TNFAIP3: variants seen among roughly 807,000 people sequenced by gnomAD.
The protein encoded by TNFAIP3 is tumor necrosis factor alpha-induced protein 3.
In TNFAIP3, 9 loss-of-function variants were observed where a neutral mutation model predicts 72.4. That is an observed-to-expected ratio of 0.12 (90% CI 0.07 to 0.22). TNFAIP3 has a LOEUF of 0.22. Among genes scored for constraint, TNFAIP3 ranks in the 10% least tolerant of loss-of-function variants. TNFAIP3 has a pLI of 1.00. For missense variants in TNFAIP3, 833 were observed against 1,018.7 expected (o/e 0.82, Z 2.48); for synonymous variants, 339 against 372.6 (o/e 0.91, Z 1.04).
At chr6:137,878,009 A>C (rs1776308829) in intron 6 of TNFAIP3, among the ~76,000 whole-genome samples, 1 of 152,330 alleles carries the variant, frequency 6.6e-6, no homozygotes, top group African/African-American at 2.4e-5. Context: ...ACCCAACCTG[A>C]GGTTCCAAAG....
intron 7 of TNFAIP3, 131 bp downstream of exon 7, chr6:137,879,482 G>C: frequency 9.0e-7 from 1 of 1,110,362 alleles, no homozygotes; most frequent in South Asian, 1.6e-5. Flanking sequence ...TTTTCTACCA[G>C]CTTGTGCAGG....
rs759454764 is a variant in TNFAIP3 at position 137,879,243 on chromosome 6, G to T, written c.1798G>T (p.Asp600Tyr). 1.9e-6 allele frequency: 3 copies of T among 1,614,092 alleles called. No individual in the cohort carries two copies. Among genetic ancestry groups the T allele is most frequent in the East Asian group, 2.2e-5 (1 of 44,898 alleles). Residue 600 changes from aspartate to tyrosine, a missense_variant, in exon 7 of 9, where the codon GAC becomes TAC. By Grantham distance (160) the Asp-to-Tyr change is radical. This residue lies in a region of TNFAIP3 where 587 missense variants were observed against 657.8 expected (regional missense o/e 0.89). Transcript: ENST00000612899. ...CLSQAARTPG[D>Y]RTGTSKCRKA... is the part of the protein sequence containing the mutation. ...GTCTCAAGCTGCACGGACTCCTGGG[G>T]ACAGGACGGGGACGAGCAAGTGCAG... is the stretch of plus-strand genomic sequence containing the variant.
chr6:137,878,530 A>C lies in TNFAIP3; in HGVS notation c.1085A>C (p.Gln362Pro), dbSNP rs967260183. 1.9e-6 allele frequency: 3 copies of C among 1,614,266 alleles called. No individual in the cohort carries two copies. Among genetic ancestry groups the C allele is most frequent in the Non-Finnish European group, 2.5e-6 (3 of 1,180,044 alleles). ...AAGAAATGGCAGGAAAACAGCGAGC[A>C]GGGGAGGAGAGAGGGGCACGCCCAG... ...EYKKWQENSE[Q>P]GRREGHAQNP... The change falls in exon 7 of 9, where the codon CAG (glutamine) becomes CCG (proline). Residue 362 changes from glutamine (Q) to proline (P), a missense_variant. By Grantham distance (76) the Gln-to-Pro change is moderately conservative. Transcript: ENST00000612899.
At chr6:137,875,654 C>G (rs537289140) in intron 3 of TNFAIP3, 34 bp from the exon 4 acceptor site, 1 of 1,612,552 alleles carries the variant, frequency 6.2e-7, no homozygotes, top group Non-Finnish European at 8.5e-7. Context: ...GTACAGGATA[C>G]ATTCAAGCTT....
intron 5 of TNFAIP3, 41 bp downstream of exon 5, chr6:137,876,207 GA>G: frequency 6.5e-7 from 1 of 1,531,994 alleles, no homozygotes; most frequent in Non-Finnish European, 8.9e-7. Context: ...ACTAGACACT[GA>G]AACATCAGGG....
In TNFAIP3 at chr6:137,878,751, G is replaced by C. The variant is rs766691413; in HGVS notation, c.1306G>C (p.Gly436Arg). The C allele has an allele frequency of 2.5e-6, 4 of 1,614,044 alleles. No homozygotes were observed. Among genetic ancestry groups the C allele is most frequent in the South Asian group, 2.2e-5 (2 of 91,074 alleles). ...TGAGGGGCTCCCTGGCATGGCGCTC[G>C]GGGCCTCTCGGGGAGAAGCCTATGA... Reference protein sequence around the residue: ...GPEGLPGMALGASRGEAYEPL... With the variant: ...GPEGLPGMALRASRGEAYEPL... The change falls in exon 7 of 9, where the codon GGG becomes CGG. Residue 436 changes from glycine (G) to arginine (R), a missense_variant. Around this residue, in one of 2 missense-constraint regions of TNFAIP3, gnomAD observed 587 missense variants for 657.8 expected, o/e 0.89. Coordinates refer to ENST00000612899, the MANE Select transcript of TNFAIP3 (RefSeq NM_001270508.2).
chr6:137,879,390 G>T, intron 7 of TNFAIP3, 39 bp downstream of exon 7: 1 of 1,572,066 alleles, frequency 6.4e-7, no homozygotes, highest in Non-Finnish European at 8.6e-7. Context: ...AGCGGCTGCT[G>T]TCCAGAAGGG....
intron 5 of TNFAIP3, 26 bp downstream of exon 5, chr6:137,876,192 C>A: frequency 6.3e-7 from 1 of 1,590,664 alleles, no homozygotes; most frequent in Non-Finnish European, 8.6e-7. Context: ...TAATTCACAT[C>A]TATAACTAGA....
upstream of TNFAIP3, chr6:137,867,126 C>A (rs960498904): frequency 6.6e-6 from 1 of 151,478 alleles, no homozygotes; most frequent in Non-Finnish European, 1.5e-5. This position sits in a 1 kb window ranked among gnomAD's most constrained non-coding sequence, Gnocchi z 6.0. Flanking sequence ...CGCCCCTCGC[C>A]CCCTGCGCCC....
rs374721883 is a variant in TNFAIP3, at chr6:137,878,812, G to T, written c.1367G>T (p.Gly456Val). 32 of 1,613,958 alleles carry T rather than the reference G, an allele frequency of 2.0e-5. No homozygotes were observed. The East Asian group carries it at 3.3e-4, about 17-fold the overall frequency. Reference sequence around the variant, plus strand: ...TGGAACCCTGAGGAGTCCACTGGGGGGCCTCATTCGGCCCCACCGACAGCA... The same window carrying T: ...TGGAACCCTGAGGAGTCCACTGGGGTGCCTCATTCGGCCCCACCGACAGCA... ...LAWNPEESTG[G>V]PHSAPPTAPS... The change falls in exon 7 of 9, where the codon GGG becomes GTG. Residue 456 changes from glycine to valine, a missense_variant. Around this residue, in one of 2 missense-constraint regions of TNFAIP3, gnomAD observed 587 missense variants for 657.8 expected, o/e 0.89. Transcript: ENST00000612899.
intron 1 of TNFAIP3, among the ~76,000 whole-genome samples, chr6:137,869,376 T>C (rs397833826): frequency 6.2e-4 from 88 of 142,076 alleles, no homozygotes; most frequent in Admixed American, 2.0e-3. Flanking sequence ...GATGGATGGA[T>C]GGACGGACGG....
Position 137,875,783 on chromosome 6 carries a change from A to G in TNFAIP3, c.582A>G (p.Ile194Met). 1 of 1,614,210 alleles carries G rather than the reference A, an allele frequency of 6.2e-7. No individual in the cohort carries two copies. Among genetic ancestry groups the G allele is most frequent in the Non-Finnish European group, 8.5e-7 (1 of 1,180,030 alleles). ...TTCAGTACAACTCACTGGAAGAAAT[A>G]CACATATTTGTCCTTTGCAACATCC... ...SGLQYNSLEE[I>M]HIFVLCNILR... Residue 194 changes from isoleucine to methionine, a missense_variant, in exon 4 of 9, where the codon ATA becomes ATG. Physicochemically the swap from Ile to Met is conservative, Grantham distance 10. This residue lies in a region of TNFAIP3 where 246 missense variants were observed against 360.9 expected (regional missense o/e 0.68). Transcript: ENST00000612899.
chr6:137,875,540 G>C (rs1330428517), intron 3 of TNFAIP3, 148 bp from the exon 4 acceptor site: 6 of 1,074,510 alleles, frequency 5.6e-6, no homozygotes, highest in African/African-American at 1.6e-5. Flanking sequence ...GGGGAAAAAA[G>C]GGTGATCATT....
rs932831486 is a variant in TNFAIP3 at position 137,879,189 on chromosome 6, G to A, written c.1744G>A (p.Ala582Thr). The change falls in exon 7 of 9, where the codon GCT (alanine) becomes ACT (threonine). Residue 582 changes from alanine (A) to threonine (T), a missense_variant. Physicochemically the swap from Ala to Thr is moderately conservative, Grantham distance 58. Coordinates refer to ENST00000612899, the MANE Select transcript of TNFAIP3 (RefSeq NM_001270508.2). ...RSPSPHSCHR[A>T]GNDAPAGCLS... is the part of the protein sequence containing the mutation. ...CCCCTCCCCGCATTCTTGCCACAGA[G>A]CTGGAAACGACGCCCCTGCTGGCTG... 1 of 1,614,092 alleles carries A rather than the reference G, an allele frequency of 6.2e-7. No individual in the cohort carries two copies.
chr6:137,866,761 C>A (rs1775847021), upstream of TNFAIP3: 1 of 152,404 alleles, frequency 6.6e-6, no homozygotes, highest in African/African-American at 2.4e-5. Flanking sequence ...ACGTGCACAG[C>A]CCAAACTTTT....
At position 137,881,752 on chromosome 6, in the gene TNFAIP3, T is replaced by G; in HGVS notation, c.*433T>G. The stretch of plus-strand genomic sequence containing the variant: ...CCATTCCACCTCCCCTCCCCCAGCA[T>G]CTCTCAGAGATGTGAAGCCAGATCC... On this transcript the variant is annotated 3_prime_UTR_variant, in exon 9 of 9. Transcript: ENST00000612899. The surrounding 1 kb of genome is among the most constrained non-coding windows in gnomAD (Gnocchi z 5.0). The G allele has an allele frequency of 4.2e-6, 1 of 237,636 alleles. No homozygotes were observed. The highest frequency in any genetic ancestry group is 8.2e-6 in the Non-Finnish European group (1 of 121,242). The allele number at this position is 237,636 out of a possible 1,614,324, so 14.7% of individuals were successfully genotyped here.
intron 5 of TNFAIP3, among the ~76,000 whole-genome samples, chr6:137,876,856 C>T (rs900424779): frequency 8.5e-5 from 13 of 152,142 alleles, no homozygotes; most frequent in Non-Finnish European, 2.9e-5. Context: ...TAAGATCCAC[C>T]ACCTCCAGGC....
chr6:137,873,819 T>A (rs1474288164), intron 2 of TNFAIP3, among the ~76,000 whole-genome samples: 1 of 152,170 alleles, frequency 6.6e-6, no homozygotes, highest in Non-Finnish European at 1.5e-5. Flanking sequence ...TATTTGAGGG[T>A]TTTTTGGTTT....
rs1458370396 is a variant in TNFAIP3 at position 137,882,390 on chromosome 6, G to T, written c.*1071G>T. The T allele has an allele frequency of 4.3e-6, 1 of 232,872 alleles. No homozygotes were observed. Among genetic ancestry groups the T allele is most frequent in the African/African-American group, 2.2e-5 (1 of 45,300 alleles). The allele number at this position is 232,872 out of a possible 1,614,324, so 14.4% of individuals were successfully genotyped here. Reference sequence around the variant, plus strand: ...GGGGAAAATGCCACAGTGTTCTCCTGAGAGAACATCCTTGCTTTGAGTCAG... The same window carrying T: ...GGGGAAAATGCCACAGTGTTCTCCTTAGAGAACATCCTTGCTTTGAGTCAG... On this transcript the variant is annotated 3_prime_UTR_variant, in exon 9 of 9. Transcript: ENST00000612899.
Sources: gnomAD v4.1 joint callset for allele counts (sites outside exome capture counted in the v4.1 genomes callset) on GRCh38, gnomAD v4.1.1 for gene constraint, gnomAD v4.1.1 regional missense constraint, Gnocchi (gnomAD v3.1) non-coding constraint, MANE v1.5 for transcripts, NCBI Gene and HGNC (gene_info 2026-07-23, HGNC 2026-07-21) for gene names.